The following CCDC7 variants were observed in gnomAD, a reference collection of about 807,000 sequenced individuals.
CCDC7 encodes coiled-coil domain-containing protein 7.
In CCDC7, 183 loss-of-function variants were observed where a neutral mutation model predicts 196.9. The ratio of observed to expected loss-of-function variants is 0.93; its 90% CI spans 0.82 to 1.05. The LOEUF (loss-of-function observed/expected upper bound fraction) is 1.05, where lower values mean the gene tolerates loss of function less well. CCDC7 is among the 50% of genes least tolerant of loss of function. The pLI, the probability that CCDC7 is intolerant of heterozygous loss-of-function variation, is 0.00. For missense variants in CCDC7, 1,540 were observed against 1,482.2 expected, an observed-to-expected ratio of 1.04 and a Z score of -0.64; for synonymous variants, 525 against 484.6, an observed-to-expected ratio of 1.08 and a Z score of -1.10.
chr10:32,565,126 A>G (rs985421443), intron 13 of CCDC7, among the ~76,000 whole-genome samples: 1 of 152,314 alleles, frequency 6.6e-6, no homozygotes, highest in Admixed American at 6.5e-5. Flanking sequence ...CAAAACTGGG[A>G]ACTCTAAATA....
intron 21 of CCDC7, 105 bp downstream of exon 22, chr10:32,664,266 TATAAATTGTGGAATA>T (rs1197892954): frequency 1.6e-5 from 6 of 370,622 alleles, no homozygotes; most frequent in African/African-American, 8.3e-5. Context: ...TGTTTTAATA[TATAAATTGTGGAATA>T]ATAAATTGTG....
At chr10:32,877,423 T>C (rs577807065), downstream of CCDC7, among the ~76,000 whole-genome samples, 1 of 152,224 alleles carries the variant, frequency 6.6e-6, no homozygotes, top group Non-Finnish European at 1.5e-5. Flanking sequence ...TTATTGCAAG[T>C]TGCCGATAAT....
intron 14 of CCDC7, among the ~76,000 whole-genome samples, chr10:32,565,935 A>G (rs2056714528): frequency 6.6e-6 from 1 of 152,204 alleles, no homozygotes. Context: ...TCAAGCTGAT[A>G]AGCAATATAC....
intron 2 of CCDC7, 48 bp from the exon 4 acceptor site, chr10:32,456,203 A>T: frequency 2.1e-6 from 3 of 1,442,974 alleles, no homozygotes; most frequent in East Asian, 2.4e-5. Context: ...ACAGACATGC[A>T]TATGGATTCT....
In CCDC7 at chr10:32,634,644, C is replaced by G. The variant is rs187036054; in HGVS notation, c.1912+280C>G. On this transcript the variant is annotated intron_variant, in intron 19 of 41. Transcript: ENST00000639629. ...ACTCCTGACCTCGTGATCCACCCACCTTGGCCTCCCAAAGTGCTGGGATTA... is the reference window on the plus strand; with the variant it reads ...ACTCCTGACCTCGTGATCCACCCACGTTGGCCTCCCAAAGTGCTGGGATTA... Among the ~76,000 whole-genome samples, 131 of 152,294 alleles carry G rather than the reference C, an allele frequency of 8.6e-4. 1 individual carries two copies. Among genetic ancestry groups the G allele is most frequent in the African/African-American group, 2.9e-3 (119 of 41,568 alleles).
rs565135442 is a variant in CCDC7 at position 32,672,089 on chromosome 10, G to T, written c.2122+7928G>T. 2.6e-5 allele frequency among the ~76,000 whole-genome samples: 4 copies of T among 152,266 alleles called. 1 individual carries two copies. The South Asian group carries it at 8.3e-4, about 32-fold the overall frequency. On this transcript the variant is annotated intron_variant, in intron 21 of 41. Transcript: ENST00000639629. Reference sequence around the variant, plus strand: ...GTGCCAATGGAGTGGCTGCAGAACTGAGATGTGAAGCACAGGAATGTGTGG... The same window carrying T: ...GTGCCAATGGAGTGGCTGCAGAACTTAGATGTGAAGCACAGGAATGTGTGG...
chr10:32,456,690 G>A (rs1404656843), intron 3 of CCDC7, among the ~76,000 whole-genome samples: 1 of 152,038 alleles, frequency 6.6e-6, no homozygotes, highest in African/African-American at 2.4e-5. Context: ...GTGGCAATCA[G>A]CATCAAAGAG....
intron 9 of CCDC7, chr10:32,513,480 A>G (rs966955096): frequency 6.6e-6 from 1 of 152,120 alleles, no homozygotes; most frequent in Non-Finnish European, 1.5e-5. Flanking sequence ...CACACTTCTC[A>G]ATTCATTCTA....
chr10:32,836,461 G>A (rs1179354583), intron 33 of CCDC7, among the ~76,000 whole-genome samples: 1 of 152,092 alleles, frequency 6.6e-6, no homozygotes, highest in Admixed American at 6.6e-5. Context: ...TCACCACACT[G>A]ACTTCCACAA....
intron 9 of CCDC7, among the ~76,000 whole-genome samples, chr10:32,504,908 CAGTT>C (rs1231537126): frequency 6.6e-6 from 1 of 152,170 alleles, no homozygotes; most frequent in African/African-American, 2.4e-5. Context: ...TTGTATGTGT[CAGTT>C]AGGTCCATTT....
At chr10:32,498,103 A>T (rs907957766) in intron 9 of CCDC7, among the ~76,000 whole-genome samples, 1 of 152,030 alleles carries the variant, frequency 6.6e-6, no homozygotes, top group African/African-American at 2.4e-5. Context: ...TATATTTAGG[A>T]TAGTTAGCTC....
chr10:32,528,673 T>C (rs865942983), intron 11 of CCDC7, among the ~76,000 whole-genome samples: 96 of 147,490 alleles, frequency 6.5e-4, no homozygotes, highest in Middle Eastern at 3.6e-3. Flanking sequence ...CACACACATA[T>C]ATATATGCAT....
At chr10:32,675,071 T>A (rs568677182) in intron 21 of CCDC7, among the ~76,000 whole-genome samples, 1 of 152,188 alleles carries the variant, frequency 6.6e-6, no homozygotes, top group African/African-American at 2.4e-5. Context: ...ATCTTTTGAA[T>A]GTTAACTTTA....
exon 28 of CCDC7, chr10:32,729,338 C>T (rs745448045): frequency 7.1e-6 from 11 of 1,556,476 alleles, no homozygotes; most frequent in Admixed American, 2.0e-5. Flanking sequence ...TTAGCGTTTC[C>T]TTTAGAAATC....
intron 11 of CCDC7, among the ~76,000 whole-genome samples, chr10:32,531,348 T>A (rs1333594781): frequency 1.3e-5 from 2 of 152,182 alleles, no homozygotes; most frequent in African/African-American, 4.8e-5. Flanking sequence ...TGTCTTGAAC[T>A]CCTGGATGGA....
At chr10:32,533,515 T>A (rs996036299) in intron 11 of CCDC7, among the ~76,000 whole-genome samples, 1 of 152,088 alleles carries the variant, frequency 6.6e-6, no homozygotes, top group African/African-American at 2.4e-5. Context: ...AGTTTTTTTT[T>A]ATTTTGCACG....
chr10:32,722,032 C>T (rs1458155923), intron 25 of CCDC7, among the ~76,000 whole-genome samples: 1 of 152,074 alleles, frequency 6.6e-6, no homozygotes, highest in African/African-American at 2.4e-5. Context: ...ACACAGGCCC[C>T]ATGGGGTTAT....
chr10:32,858,345 A>G (rs1197775981), intron 41 of CCDC7, among the ~76,000 whole-genome samples: 1 of 152,214 alleles, frequency 6.6e-6, no homozygotes, highest in Non-Finnish European at 1.5e-5. Context: ...CCATAGGAGA[A>G]GAAAACTACA....
At chr10:32,523,441 C>T (rs1029580570) in intron 11 of CCDC7, among the ~76,000 whole-genome samples, 2 of 151,518 alleles carry the variant, frequency 1.3e-5, no homozygotes, top group African/African-American at 4.9e-5. Context: ...CCCAGCTACT[C>T]GGGAGGCTGA....
Sources: gnomAD v4.1 joint callset for allele counts (sites outside exome capture counted in the v4.1 genomes callset) on GRCh38, gnomAD v4.1.1 for gene constraint, MANE v1.5 for transcripts, NCBI Gene and HGNC (gene_info 2026-07-23, HGNC 2026-07-21) for gene names.